The following PCDHA8 variants were observed in gnomAD, a reference collection of about 807,000 sequenced individuals.
PCDHA8 encodes the protein protocadherin alpha-8.
In PCDHA8, 53 loss-of-function variants were observed where a neutral mutation model predicts 61.8. The ratio of observed to expected loss-of-function variants is 0.86; its 90% CI spans 0.69 to 1.08. PCDHA8 has a LOEUF of 1.08. Among genes scored for constraint, PCDHA8 ranks in the 50% least tolerant of loss-of-function variants. The pLI is 0.00. For missense variants in PCDHA8, 1,293 were observed against 1,245.0 expected (o/e 1.04, Z -0.58); for synonymous variants, 618 against 556.6 (o/e 1.11, Z -1.55).
intron 1 of PCDHA8, among the ~76,000 whole-genome samples, chr5:140,921,856 G>A (rs2080440097): frequency 6.6e-6 from 1 of 151,824 alleles, no homozygotes; most frequent in Non-Finnish European, 1.5e-5. Flanking sequence ...AGATGTGTGT[G>A]TATATATACA....
Position 141,010,322 on chromosome 5 carries a change from C to G in PCDHA8, c.*385C>G. 6.5e-7 allele frequency: 1 copy of G among 1,540,986 alleles called. No homozygotes were observed. The highest frequency in any genetic ancestry group is 8.7e-7 in the Non-Finnish European group (1 of 1,143,174). Reference sequence around the variant, plus strand: ...GCTGAAAAGTTTTGAGATTGAGCAGCTTGGGAGTTTGTGGCCACTGGGTAT... The same window carrying G: ...GCTGAAAAGTTTTGAGATTGAGCAGGTTGGGAGTTTGTGGCCACTGGGTAT... On this transcript the variant is annotated 3_prime_UTR_variant, in exon 4 of 4. Transcript: ENST00000531613.
In PCDHA8 at chr5:140,857,157, T is replaced by C. The variant is rs1371246447; in HGVS notation, c.2394+13442T>C. The C allele has an allele frequency of 5.6e-6, 9 of 1,598,272 alleles. 1 individual carries two copies. The Middle Eastern group carries it at 5.0e-4, about 88-fold the overall frequency. On this transcript the variant is annotated intron_variant, in intron 1 of 3. Transcript: ENST00000531613. ...GCTCAAGTGGGCACCGTCATTGCCC[T>C]AATCAGCGTTTCTGACCATGATTCA... is the stretch of plus-strand genomic sequence containing the variant.
Position 140,850,293 on chromosome 5 carries a change from G to T in PCDHA8, c.2394+6578G>T. On this transcript the variant is annotated intron_variant, in intron 1 of 3. Coordinates refer to ENST00000531613, the MANE Select transcript of PCDHA8 (RefSeq NM_018911.3). ...GGGGAAGGTGCGCGCAGTGGACGCC[G>T]ACTCGGGCTACAACGCGTGGCTTTC... 6.3e-6 allele frequency: 10 copies of T among 1,596,280 alleles called. 2 individuals are homozygous for T. The highest frequency in any genetic ancestry group is 8.6e-6 in the Non-Finnish European group (10 of 1,167,618).
intron 3 of PCDHA8, among the ~76,000 whole-genome samples, chr5:140,999,645 G>C (rs1417751593): frequency 6.6e-6 from 1 of 152,156 alleles, no homozygotes; most frequent in Non-Finnish European, 1.5e-5. Context: ...AAACTGTGCA[G>C]CCTGAGCCCT....
At chr5:140,864,105 T>G (rs1413292385) in intron 1 of PCDHA8, 1 of 152,314 alleles carries the variant, frequency 6.6e-6, no homozygotes, top group Non-Finnish European at 1.5e-5. Flanking sequence ...ATAATGATAA[T>G]AGTAATAATG....
chr5:140,846,625 C>A (rs567549209), intron 1 of PCDHA8, among the ~76,000 whole-genome samples: 1 of 149,010 alleles, frequency 6.7e-6, no homozygotes, highest in Non-Finnish European at 1.5e-5. Flanking sequence ...CCGCCCACTT[C>A]GGCCTCCTAA....
chr5:140,982,324 C>G, intron 2 of PCDHA8, 151 bp from the exon 3 acceptor site: 2 of 1,393,878 alleles, frequency 1.4e-6, no homozygotes, highest in East Asian at 5.1e-5. Context: ...TGCAGGGTGA[C>G]TGCTCAGCAG....
chr5:140,874,587 T>A (rs1221042797), intron 1 of PCDHA8, among the ~76,000 whole-genome samples: 1 of 152,256 alleles, frequency 6.6e-6, no homozygotes, highest in Admixed American at 6.5e-5. Flanking sequence ...TGCTTTGGGA[T>A]AGTGTGAAAT....
Position 141,011,434 on chromosome 5 carries a change from C to A in PCDHA8, c.*1497C>A, listed in dbSNP as rs934032017. 6.5e-6 allele frequency: 1 copy of A among 153,726 alleles called. No homozygotes were observed. Among genetic ancestry groups the A allele is most frequent in the African/African-American group, 2.4e-5 (1 of 41,446 alleles). The allele number at this position is 153,726 out of a possible 1,614,324, so 9.5% of individuals were successfully genotyped here. The stretch of plus-strand genomic sequence containing the variant: ...ATGTGAATGTTAATGCAACTATTAC[C>A]TAGAGTGAACTTTAAGCTTTATTGT... On this transcript the variant is annotated 3_prime_UTR_variant, in exon 4 of 4. Transcript: ENST00000531613.
At chr5:140,939,253 G>C (rs1399135372) in intron 1 of PCDHA8, among the ~76,000 whole-genome samples, 2 of 152,060 alleles carry the variant, frequency 1.3e-5, no homozygotes, top group African/African-American at 4.8e-5. Context: ...TAGCTCTCTG[G>C]AACCTCTTTT....
In PCDHA8 at chr5:140,883,463, T is replaced by C. The variant is rs1028584234; in HGVS notation, c.2394+39748T>C. On this transcript the variant is annotated intron_variant, in intron 1 of 3. Transcript: ENST00000531613. ...GCCGCATGTCCCCTTCAAGCTGGTGTCCACCTACAAGAACTACTACTCATT... is the reference window on the plus strand; with the variant it reads ...GCCGCATGTCCCCTTCAAGCTGGTGCCCACCTACAAGAACTACTACTCATT... 44 of 1,614,040 alleles carry C rather than the reference T, an allele frequency of 2.7e-5. No individual in the cohort carries two copies. Among genetic ancestry groups the C allele is most frequent in the Non-Finnish European group, 3.6e-5 (42 of 1,180,048 alleles).
intron 2 of PCDHA8, among the ~76,000 whole-genome samples, chr5:140,979,467 ATTG>A (rs1219222898): frequency 6.6e-6 from 1 of 151,680 alleles, no homozygotes; most frequent in Non-Finnish European, 1.5e-5. Context: ...ATTGATTGCT[ATTG>A]TTGTTTGTGT....
In PCDHA8 at chr5:140,884,393, A is replaced by T. The variant is rs782150859; in HGVS notation, c.2394+40678A>T. 6.8e-6 allele frequency: 11 copies of T among 1,613,878 alleles called. No individual in the cohort carries two copies. In the South Asian group the frequency reaches 1.1e-4, roughly 16 times the overall value. On this transcript the variant is annotated intron_variant, in intron 1 of 3. Transcript: ENST00000531613. Reference sequence around the variant, plus strand: ...GATCATTGCCATCTGCGCGGTGTCCAGCCTGTTGGTGCTCACGTTGCTGCT... The same window carrying T: ...GATCATTGCCATCTGCGCGGTGTCCTGCCTGTTGGTGCTCACGTTGCTGCT...
chr5:141,010,378 A>C lies in PCDHA8; in HGVS notation c.*441A>C. ...GCTACCGCGGGTATGCGAGTGCCAG[A>C]TATTGGCTGAGACGAGCCAGCTTAG... is the stretch of plus-strand genomic sequence containing the variant. On this transcript the variant is annotated 3_prime_UTR_variant, in exon 4 of 4. Coordinates refer to ENST00000531613, the MANE Select transcript of PCDHA8 (RefSeq NM_018911.3). 6.9e-7 allele frequency: 1 copy of C among 1,450,180 alleles called. No individual in the cohort carries two copies. Among genetic ancestry groups the C allele is most frequent in the Non-Finnish European group, 9.2e-7 (1 of 1,092,666 alleles). 89.8% of individuals were successfully genotyped at this position (1,450,180 alleles called of 1,614,324 possible).
At chr5:140,945,243 A>G (rs1554216829) in intron 1 of PCDHA8, among the ~76,000 whole-genome samples, 1 of 152,166 alleles carries the variant, frequency 6.6e-6, no homozygotes, top group Admixed American at 6.5e-5. Flanking sequence ...AATTTAACCA[A>G]GAGGATGAAA....
chr5:140,952,903 C>T (rs896493880), intron 1 of PCDHA8, among the ~76,000 whole-genome samples: 4 of 152,092 alleles, frequency 2.6e-5, no homozygotes, highest in African/African-American at 7.2e-5. Flanking sequence ...GGGAATCAAG[C>T]TCATCTTACA....
chr5:140,864,654 C>T (rs1554159035), intron 1 of PCDHA8: 1 of 152,246 alleles, frequency 6.6e-6, no homozygotes, highest in Non-Finnish European at 1.5e-5. Context: ...GTCAGCTCTA[C>T]TTAATTACCT....
chr5:140,929,679 G>T lies in PCDHA8; in HGVS notation c.2395-49270G>T, dbSNP rs142104946. ...ATTTAAAGTGAAGAATGAAAAATAT[G>T]TAAGAGTCTGCTTTATATGAATATA... On this transcript the variant is annotated intron_variant, in intron 1 of 3. Coordinates refer to ENST00000531613, the MANE Select transcript of PCDHA8 (RefSeq NM_018911.3). 2.7e-3 allele frequency: 822 copies of T among 303,170 alleles called. 4 individuals are homozygous for T. Among genetic ancestry groups the T allele is most frequent in the African/African-American group, 0.017 (768 of 46,460 alleles). The allele number at this position is 303,170 out of a possible 1,614,324, so 18.8% of individuals were successfully genotyped here. A position where few individuals can be genotyped will look rare whatever the true frequency, so the allele number is the denominator to read the frequency against.
intron 3 of PCDHA8, among the ~76,000 whole-genome samples, chr5:140,992,716 G>A (rs1554253146): frequency 6.6e-6 from 1 of 152,160 alleles, no homozygotes; most frequent in African/African-American, 2.4e-5. Flanking sequence ...GCCAGTATTC[G>A]TAAATCCCAC....
Sources: allele counts gnomAD v4.1 joint callset (sites outside exome capture counted in the v4.1 genomes callset), GRCh38; gene constraint gnomAD v4.1.1; transcripts MANE v1.5; gene names NCBI Gene and HGNC (gene_info 2026-07-23, HGNC 2026-07-21).